The following NOVA1 variants were observed in gnomAD, a reference collection of about 807,000 sequenced individuals.
The protein encoded by NOVA1 is RNA-binding protein Nova-1.
In NOVA1, 7 loss-of-function variants were observed where a neutral mutation model predicts 38.0. The ratio of observed to expected loss-of-function variants is 0.18; its 90% CI spans 0.10 to 0.35. The LOEUF is 0.35. NOVA1 is among the 10% of genes least tolerant of loss of function. NOVA1 has a pLI of 1.00. For synonymous variants in NOVA1, 270 were observed against 232.5 expected (o/e 1.16, Z -1.47); for missense variants, 460 against 616.0 (o/e 0.75, Z 2.68).
chr14:26,549,048 T>C (rs951438764), intron 2 of NOVA1, among the ~76,000 whole-genome samples: 4 of 152,058 alleles, frequency 2.6e-5, no homozygotes, highest in Non-Finnish European at 2.9e-5. Context: ...TCTTTGATAC[T>C]TGCAAGGCTG....
intron 3 of NOVA1, among the ~76,000 whole-genome samples, 194 bp from the exon 4 acceptor site, chr14:26,472,585 G>T (rs947103396): frequency 6.6e-6 from 1 of 152,146 alleles, no homozygotes; most frequent in African/African-American, 2.4e-5. Flanking sequence ...GCATGCATAA[G>T]CATGTAAAAA....
chr14:26,566,669 C>T (rs543254633), intron 2 of NOVA1, among the ~76,000 whole-genome samples: 1 of 152,114 alleles, frequency 6.6e-6, no homozygotes, highest in African/African-American at 2.4e-5. Flanking sequence ...AATTGTAAAA[C>T]TAAAAGTAAA....
intron 2 of NOVA1, among the ~76,000 whole-genome samples, chr14:26,544,248 T>C (rs1053513339): frequency 5.3e-5 from 8 of 151,894 alleles, no homozygotes; most frequent in African/African-American, 1.9e-4. Context: ...AGTCAGAAAC[T>C]AAGCAGGGTA....
intron 2 of NOVA1, among the ~76,000 whole-genome samples, chr14:26,518,317 C>T (rs1594450479): frequency 6.6e-6 from 1 of 151,822 alleles, no homozygotes; most frequent in Admixed American, 6.6e-5. Context: ...TAGTTTAGTA[C>T]ACTTATATAT....
intron 3 of NOVA1, 63 bp downstream of exon 3, chr14:26,479,914 T>C: frequency 6.5e-7 from 1 of 1,536,264 alleles, no homozygotes; most frequent in Non-Finnish European, 8.8e-7. Context: ...TTAAGGCTTC[T>C]TTTGTAAGGA....
chr14:26,595,504 T>C lies in NOVA1; in HGVS notation c.186A>G (p.Gly62=). 1 of 1,613,724 alleles carries C rather than the reference T, an allele frequency of 6.2e-7. No homozygotes were observed. Residue 62 remains glycine, a synonymous_variant, in exon 2 of 5, where the codon GGA becomes GGG. Coordinates refer to ENST00000539517, the MANE Select transcript of NOVA1 (RefSeq NM_002515.3). ...TCTGTCCTCCCTTCCCAATTATAGA[T>C]CCAGCAGCATAACTAGGTATGAGAA... ...LKVLIPSYAA[G]SIIGKGGQTI... is the part of the protein sequence containing the mutation.
At chr14:26,470,325 C>A (rs1884484692) in intron 4 of NOVA1, 1 of 1,445,698 alleles carries the variant, frequency 6.9e-7, no homozygotes, top group Non-Finnish European at 9.4e-7. Flanking sequence ...TTCCTTCTGC[C>A]CTACCACATG....
intron 4 of NOVA1, among the ~76,000 whole-genome samples, chr14:26,460,748 A>G (rs370575198): frequency 6.6e-6 from 1 of 152,294 alleles, no homozygotes; most frequent in East Asian, 1.9e-4. Context: ...AGAAGGTATC[A>G]AACTCCCCAG....
At position 26,597,951 on chromosome 14, in the gene NOVA1, G is replaced by A. The variant is rs541106066; in HGVS notation, c.-515C>T. ...AGAGGAGGGCAGGAGCCGGGAAGGAGCGCGGCGGTCCCCGCGCCGCGCTAG... is the reference window on the plus strand; with the variant it reads ...AGAGGAGGGCAGGAGCCGGGAAGGAACGCGGCGGTCCCCGCGCCGCGCTAG... On this transcript the variant is annotated 5_prime_UTR_variant, in exon 1 of 5. Transcript: ENST00000539517. Among the ~76,000 whole-genome samples the A allele has an allele frequency of 1.8e-4, 27 of 151,864 alleles. No individual in the cohort carries two copies. The highest frequency in any genetic ancestry group is 3.4e-4 in the Non-Finnish European group (23 of 67,878).
intron 4 of NOVA1, among the ~76,000 whole-genome samples, chr14:26,454,202 G>A (rs901361297): frequency 7.2e-5 from 11 of 151,994 alleles, no homozygotes; most frequent in Admixed American, 3.3e-4. Context: ...GAAAGTTTAC[G>A]AATTTGTGTT....
intron 2 of NOVA1, among the ~76,000 whole-genome samples, chr14:26,535,683 C>T (rs372993210): frequency 6.6e-6 from 1 of 152,002 alleles, no homozygotes; most frequent in South Asian, 2.1e-4. Flanking sequence ...ATAGGCCGGG[C>T]GTGGTGGCTC....
chr14:26,516,429 G>T (rs530990287), intron 2 of NOVA1, among the ~76,000 whole-genome samples: 1 of 151,844 alleles, frequency 6.6e-6, no homozygotes, highest in African/African-American at 2.4e-5. Context: ...TTTAATGTTT[G>T]CCTAATTTAA....
chr14:26,582,292 A>G (rs1950411), intron 2 of NOVA1, among the ~76,000 whole-genome samples: 3 of 151,538 alleles, frequency 2.0e-5, no homozygotes, highest in African/African-American at 7.3e-5. Flanking sequence ...GCAATGCAGT[A>G]TCTACTTATT....
intron 2 of NOVA1, among the ~76,000 whole-genome samples, chr14:26,481,573 G>C (rs1309113408): frequency 1.3e-5 from 2 of 152,044 alleles, no homozygotes; most frequent in Non-Finnish European, 1.5e-5. Context: ...TGAAAATTCA[G>C]ATCTATAAAA....
intron 2 of NOVA1, among the ~76,000 whole-genome samples, chr14:26,525,144 C>T (rs1300973041): frequency 6.6e-6 from 1 of 152,092 alleles, no homozygotes; most frequent in Non-Finnish European, 1.5e-5. Flanking sequence ...TCAACTCTTA[C>T]CCAAATACAT....
Position 26,446,903 on chromosome 14 carries a change from A to G in NOVA1, c.*1056T>C, listed in dbSNP as rs1882123955. On this transcript the variant is annotated 3_prime_UTR_variant, in exon 5 of 5. Coordinates refer to ENST00000539517, the MANE Select transcript of NOVA1 (RefSeq NM_002515.3). ...AGTATTAGAAACTGCATTGGCTGCT[A>G]GCGCCATGCTGCAAAGACTCCATCA... The G allele has an allele frequency of 6.5e-6, 1 of 152,684 alleles. No individual in the cohort carries two copies. The highest frequency in any genetic ancestry group is 6.5e-5 in the Admixed American group (1 of 15,292). 9.5% of individuals were successfully genotyped at this position (152,684 alleles called of 1,614,324 possible). A position where few individuals can be genotyped will look rare whatever the true frequency, so the allele number is the denominator to read the frequency against.
At chr14:26,583,140 A>T (rs1256911581) in intron 2 of NOVA1, among the ~76,000 whole-genome samples, 1 of 151,758 alleles carries the variant, frequency 6.6e-6, no homozygotes, top group African/African-American at 2.4e-5. Context: ...TCAAATTTTC[A>T]GTTGAGAAGA....
chr14:26,489,772 G>GTTACA (rs1886190796), intron 2 of NOVA1, among the ~76,000 whole-genome samples: 1 of 151,918 alleles, frequency 6.6e-6, no homozygotes, highest in Admixed American at 6.6e-5. Context: ...CGAGGCACAG[G>GTTACA]TTACAGTGAC....
intron 2 of NOVA1, among the ~76,000 whole-genome samples, chr14:26,492,553 T>C (rs1886424923): frequency 6.6e-6 from 1 of 152,200 alleles, no homozygotes; most frequent in Admixed American, 6.5e-5. Context: ...CGAAAAAAAT[T>C]ACAAACCTAT....
Sources: gnomAD v4.1 joint callset for allele counts (sites outside exome capture counted in the v4.1 genomes callset) on GRCh38, gnomAD v4.1.1 for gene constraint, MANE v1.5 for transcripts, NCBI Gene and HGNC (gene_info 2026-07-23, HGNC 2026-07-21) for gene names.